MAPK4: variants seen among roughly 807,000 people sequenced by gnomAD.
MAPK4 encodes mitogen-activated protein kinase 4.
Under a neutral mutation model 47.7 loss-of-function variants are expected in MAPK4, and 22 were observed. The ratio of observed to expected loss-of-function variants is 0.46; its 90% CI spans 0.33 to 0.66. MAPK4 has a LOEUF of 0.66. Among genes scored for constraint, MAPK4 ranks in the 30% least tolerant of loss-of-function variants. MAPK4 has a pLI of 0.02. For missense variants in MAPK4, 736 were observed against 831.7 expected (o/e 0.88, Z 1.42); for synonymous variants, 390 against 365.7 (o/e 1.07, Z -0.76).
chr18:50,658,136 T>C (rs2043131510), intron 1 of MAPK4, among the ~76,000 whole-genome samples: 1 of 152,212 alleles, frequency 6.6e-6, no homozygotes, highest in Admixed American at 6.5e-5. Context: ...TTTAATATTA[T>C]TTCAACATTC....
Position 50,715,145 on chromosome 18 carries a change from A to G in MAPK4, c.613A>G (p.Asn205Asp). 6.2e-7 allele frequency: 1 copy of G among 1,614,136 alleles called. No homozygotes were observed. The highest frequency in any genetic ancestry group is 8.5e-7 in the Non-Finnish European group (1 of 1,180,010). ...CCCACGACTGCTCCTTTCCCCCAAT[A>G]ACTACACCAAAGCCATCGACATGTG... The part of the protein sequence containing the change: ...RSPRLLLSPN[N>D]YTKAIDMWAA... Residue 205 changes from asparagine (N) to aspartate (D), a missense_variant, in exon 3 of 6, where the codon AAC becomes GAC. This residue lies in a region of MAPK4 where 327 missense variants were observed against 395.4 expected (regional missense o/e 0.83). Transcript: ENST00000400384.
intron 2 of MAPK4, among the ~76,000 whole-genome samples, chr18:50,688,223 G>C (rs1353776533): frequency 6.6e-6 from 1 of 152,170 alleles, no homozygotes; most frequent in East Asian, 1.9e-4. Context: ...GGCTGGGCTG[G>C]GGTGATCAGG....
intron 1 of MAPK4, among the ~76,000 whole-genome samples, chr18:50,630,207 T>A (rs2042816323): frequency 6.6e-6 from 1 of 152,130 alleles, no homozygotes; most frequent in South Asian, 2.1e-4. Context: ...TTTTGTTTTT[T>A]AGACAGAGCC....
chr18:50,599,379 C>G (rs1298359889), intron 1 of MAPK4, among the ~76,000 whole-genome samples: 1 of 152,138 alleles, frequency 6.6e-6, no homozygotes, highest in Non-Finnish European at 1.5e-5. Flanking sequence ...TATGCTTAAT[C>G]CATGAAATCT....
intron 1 of MAPK4, among the ~76,000 whole-genome samples, chr18:50,585,689 C>G (rs1049126479): frequency 2.6e-5 from 4 of 152,182 alleles, no homozygotes; most frequent in South Asian, 2.1e-4. Context: ...TTAGTCCGCT[C>G]TCATGCTGCT....
At chr18:50,716,775 C>T (rs1351414925) in intron 3 of MAPK4, among the ~76,000 whole-genome samples, 2 of 151,948 alleles carry the variant, frequency 1.3e-5, no homozygotes, top group Non-Finnish European at 2.9e-5. Context: ...AGTGCTCTCC[C>T]CACCTCCTCA....
At chr18:50,587,945 G>A (rs2042403104) in intron 1 of MAPK4, among the ~76,000 whole-genome samples, 1 of 151,950 alleles carries the variant, frequency 6.6e-6, no homozygotes, top group Admixed American at 6.6e-5. Flanking sequence ...TGGCCAGGCT[G>A]GTCTTGAACT....
chr18:50,725,727 C>T (rs1911154830), intron 4 of MAPK4, among the ~76,000 whole-genome samples: 1 of 152,146 alleles, frequency 6.6e-6, no homozygotes, highest in Non-Finnish European at 1.5e-5. Context: ...GGACCTTGAG[C>T]AAGTCACTTG....
chr18:50,599,099 C>T (rs916290483), intron 1 of MAPK4, among the ~76,000 whole-genome samples: 12 of 152,176 alleles, frequency 7.9e-5, no homozygotes, highest in Non-Finnish European at 1.2e-4. Flanking sequence ...CCTCCTGCAG[C>T]AGGGTGTATC....
intron 1 of MAPK4, among the ~76,000 whole-genome samples, chr18:50,593,529 C>T (rs534600160): frequency 1.2e-4 from 18 of 152,284 alleles, no homozygotes; most frequent in Non-Finnish European, 2.2e-4. Flanking sequence ...TGAAGTGGAA[C>T]GAATCCTAAA....
intron 2 of MAPK4, among the ~76,000 whole-genome samples, chr18:50,667,281 T>G (rs749121497): frequency 2.6e-5 from 4 of 152,210 alleles, no homozygotes; most frequent in Non-Finnish European, 5.9e-5. Context: ...CCTCCATGGA[T>G]TCTGATCACT....
rs1197491001 is a variant in MAPK4, at chr18:50,729,581, C to G, written c.1491C>G (p.Val497=). ...ASLFLEIAQW[V]KSTQGGPEHA... ...TCTTCCTGGAGATCGCGCAGTGGGT[C>G]AAGAGCACGCAGGGCGGCCCAGAGC... Residue 497 remains valine, a synonymous_variant, in exon 6 of 6, where the codon GTC becomes GTG. Coordinates refer to ENST00000400384, the MANE Select transcript of MAPK4 (RefSeq NM_002747.4). 2 of 1,416,416 alleles carry G rather than the reference C, an allele frequency of 1.4e-6. No homozygotes were observed. Among genetic ancestry groups the G allele is most frequent in the South Asian group, 1.6e-5 (1 of 61,260 alleles). The allele number at this position is 1,416,416 out of a possible 1,614,324, so 87.7% of individuals were successfully genotyped here.
chr18:50,627,504 A>G (rs961384837), intron 1 of MAPK4, among the ~76,000 whole-genome samples: 2 of 152,156 alleles, frequency 1.3e-5, no homozygotes, highest in East Asian at 3.9e-4. Context: ...GGCCAAACCG[A>G]GCCTTGAGAT....
chr18:50,565,551 C>T (rs1454522152), intron 1 of MAPK4, among the ~76,000 whole-genome samples: 2 of 152,214 alleles, frequency 1.3e-5, no homozygotes, highest in African/African-American at 4.8e-5. Context: ...GCAGGAAACA[C>T]TTGCCCCCTC....
chr18:50,626,131 A>G (rs1415788992), intron 1 of MAPK4, among the ~76,000 whole-genome samples: 2 of 152,176 alleles, frequency 1.3e-5, no homozygotes, highest in Non-Finnish European at 2.9e-5. Context: ...ACTGACTGGA[A>G]GAAGACCACC....
At position 50,702,278 on chromosome 18, in the gene MAPK4, G is replaced by A. The variant is rs377406561; in HGVS notation, c.547-12801G>A. 2.2e-4 allele frequency among the ~76,000 whole-genome samples: 33 copies of A among 152,134 alleles called. No individual in the cohort carries two copies. In the East Asian group the frequency reaches 3.5e-3, roughly 16 times the overall value. Reference sequence around the variant, plus strand: ...AAGACTGAGTTATCTTTCAAGCTGGGCGTGGTGGTGCATGCCTGTAGTCCC... The same window carrying A: ...AAGACTGAGTTATCTTTCAAGCTGGACGTGGTGGTGCATGCCTGTAGTCCC... On this transcript the variant is annotated intron_variant, in intron 2 of 5. Transcript: ENST00000400384.
At position 50,562,940 on chromosome 18, in the gene MAPK4, G is replaced by A. The variant is rs532570942; in HGVS notation, c.-871+2697G>A. ...TTATCAGACATTGAGAACTCTCTACGTGCCTTGTATGTTTATCTTTTTGCC... is the reference window on the plus strand; with the variant it reads ...TTATCAGACATTGAGAACTCTCTACATGCCTTGTATGTTTATCTTTTTGCC... On this transcript the variant is annotated intron_variant, in intron 1 of 5. Coordinates refer to ENST00000400384, the MANE Select transcript of MAPK4 (RefSeq NM_002747.4). 1.3e-4 allele frequency among the ~76,000 whole-genome samples: 20 copies of A among 152,240 alleles called. No individual in the cohort carries two copies. The South Asian group carries it at 1.5e-3, about 11-fold the overall frequency.
intron 1 of MAPK4, among the ~76,000 whole-genome samples, chr18:50,616,204 T>A (rs1220992500): frequency 1.3e-5 from 2 of 152,170 alleles, no homozygotes; most frequent in Non-Finnish European, 2.9e-5. Flanking sequence ...CTTCTAATGC[T>A]ACAAAGAAAG....
At chr18:50,717,491 G>A (rs567100889) in intron 3 of MAPK4, among the ~76,000 whole-genome samples, 1 of 152,252 alleles carries the variant, frequency 6.6e-6, no homozygotes, top group South Asian at 2.1e-4. Context: ...GAAGGGAGGG[G>A]GAGAGTGAGG....
Sources: allele counts gnomAD v4.1 joint callset (sites outside exome capture counted in the v4.1 genomes callset), GRCh38; gene constraint gnomAD v4.1.1; regional missense constraint gnomAD v4.1.1; transcripts MANE v1.5; gene names NCBI Gene and HGNC (gene_info 2026-07-23, HGNC 2026-07-21).